The following KCNQ3 variants were observed in gnomAD, a reference collection of about 807,000 sequenced individuals.
KCNQ3 encodes potassium voltage-gated channel subfamily Q member 3, also known as potassium voltage-gated channel subfamily KQT member 3.
A neutral mutation model predicts 92.5 loss-of-function variants in KCNQ3; 30 were observed. The observed-to-expected ratio is 0.32, with a 90% CI of 0.24 to 0.44. The LOEUF is 0.44. Ranked by LOEUF, KCNQ3 falls within the 20% of genes least tolerant of loss-of-function variation. KCNQ3 has a pLI of 1.00. For missense variants in KCNQ3, 913 were observed against 1,140.3 expected (o/e 0.80, Z 2.87); for synonymous variants, 450 against 468.8 (o/e 0.96, Z 0.52).
intron 9 of KCNQ3, among the ~76,000 whole-genome samples, chr8:132,160,446 A>T (rs1236047984): frequency 1.3e-5 from 2 of 152,232 alleles, no homozygotes; most frequent in Non-Finnish European, 2.9e-5. Flanking sequence ...CATTTTTTAT[A>T]GTCACTCAGC....
At chr8:132,338,314 A>C (rs1052928041) in intron 1 of KCNQ3, among the ~76,000 whole-genome samples, 1 of 152,162 alleles carries the variant, frequency 6.6e-6, no homozygotes, top group African/African-American at 2.4e-5. Flanking sequence ...GTCCTCCTGC[A>C]CAAGGGAGTA....
At chr8:132,339,911 G>T (rs945426421) in intron 1 of KCNQ3, among the ~76,000 whole-genome samples, 17 of 151,132 alleles carry the variant, frequency 1.1e-4, no homozygotes, top group African/African-American at 4.1e-4. Context: ...CAACACAAAG[G>T]CCTTCTCTGT....
chr8:132,350,372 G>T (rs1453919906), intron 1 of KCNQ3, among the ~76,000 whole-genome samples: 1 of 152,158 alleles, frequency 6.6e-6, no homozygotes, highest in Non-Finnish European at 1.5e-5. Flanking sequence ...AAATGTTTCA[G>T]CTTCCCTTTG....
In KCNQ3 at chr8:132,125,757, G is replaced by T. The variant is rs560312608; in HGVS notation, c.*3505C>A. 1 of 151,980 alleles carries T rather than the reference G, an allele frequency of 6.6e-6. No individual in the cohort carries two copies. The highest frequency in any genetic ancestry group is 1.5e-5 in the Non-Finnish European group (1 of 67,982). 9.4% of individuals were successfully genotyped at this position (151,980 alleles called of 1,614,324 possible). On this transcript the variant is annotated 3_prime_UTR_variant, in exon 15 of 15. Transcript: ENST00000388996. ...GTTCATTTTAACCTATACACCTTGG[G>T]GTTATCTAGTTATGTTTTCATGAAA...
chr8:132,309,403 T>C (rs1817525432), intron 1 of KCNQ3, among the ~76,000 whole-genome samples: 1 of 152,230 alleles, frequency 6.6e-6, no homozygotes, highest in Admixed American at 6.5e-5. Context: ...CTCTGCCTTA[T>C]TATGCTGATT....
At chr8:132,273,690 A>G (rs1019044836) in intron 1 of KCNQ3, among the ~76,000 whole-genome samples, 1 of 152,130 alleles carries the variant, frequency 6.6e-6, no homozygotes, top group Non-Finnish European at 1.5e-5. Context: ...CTTCCCTTAT[A>G]AAACTGAATG....
chr8:132,186,575 T>A (rs986119485), intron 1 of KCNQ3: 3 of 329,140 alleles, frequency 9.1e-6, no homozygotes, highest in South Asian at 2.6e-5. Flanking sequence ...TAGGACTGAT[T>A]TAAAAATATA....
chr8:132,416,129 A>G (rs1438597409), intron 1 of KCNQ3, among the ~76,000 whole-genome samples: 1 of 152,226 alleles, frequency 6.6e-6, no homozygotes, highest in African/African-American at 2.4e-5. Flanking sequence ...TGAGGCACTC[A>G]CGTTTGTTGT....
chr8:132,263,371 G>A (rs1247688797), intron 1 of KCNQ3, among the ~76,000 whole-genome samples: 2 of 152,116 alleles, frequency 1.3e-5, no homozygotes, highest in Admixed American at 6.5e-5. Flanking sequence ...GATTCCCCTC[G>A]ACAGGCTTAT....
rs553523055 is a variant in KCNQ3 at position 132,166,404 on chromosome 8, C to T, written c.1236-2910G>A. 3.3e-5 allele frequency among the ~76,000 whole-genome samples: 5 copies of T among 152,258 alleles called. No individual in the cohort carries two copies. The South Asian group carries it at 6.2e-4, about 19-fold the overall frequency. On this transcript the variant is annotated intron_variant, in intron 8 of 14. Transcript: ENST00000388996. Reference sequence around the variant, plus strand: ...CCTCATCCCTGCTTGTATATAAGAACGTATAATCTGCCATCACTCCTACCC... The same window carrying T: ...CCTCATCCCTGCTTGTATATAAGAATGTATAATCTGCCATCACTCCTACCC...
At chr8:132,463,368 C>T (rs2673554) in intron 1 of KCNQ3, among the ~76,000 whole-genome samples, 1 of 152,188 alleles carries the variant, frequency 6.6e-6, no homozygotes, top group Admixed American at 6.5e-5. Flanking sequence ...GTATTCACAG[C>T]CCTGACAGCC....
chr8:132,464,697 T>C (rs1425158641), intron 1 of KCNQ3, among the ~76,000 whole-genome samples: 2 of 152,208 alleles, frequency 1.3e-5, no homozygotes, highest in Non-Finnish European at 2.9e-5. Context: ...TTGATGGAAA[T>C]CTTCCCTGAT....
chr8:132,180,421 A>G (rs973735654), intron 3 of KCNQ3, 92 bp from the exon 4 acceptor site: 1 of 1,401,104 alleles, frequency 7.1e-7, no homozygotes, highest in Admixed American at 1.7e-5. Flanking sequence ...TTGCTGGCAG[A>G]TCAGCATGTG....
At chr8:132,391,007 G>A (rs1439433875) in intron 1 of KCNQ3, among the ~76,000 whole-genome samples, 2 of 152,152 alleles carry the variant, frequency 1.3e-5, no homozygotes, top group African/African-American at 4.8e-5. Flanking sequence ...GCTTGGGAAA[G>A]AAATGCAGTT....
intron 1 of KCNQ3, among the ~76,000 whole-genome samples, chr8:132,296,443 G>A (rs1234642881): frequency 6.6e-6 from 1 of 151,988 alleles, no homozygotes; most frequent in Non-Finnish European, 1.5e-5. Flanking sequence ...ACAATGTGCA[G>A]GTTTGTTACA....
intron 1 of KCNQ3, among the ~76,000 whole-genome samples, chr8:132,450,792 C>T (rs1479642992): frequency 2.6e-5 from 4 of 152,192 alleles, no homozygotes; most frequent in African/African-American, 9.7e-5. Flanking sequence ...CCAGCTTTCC[C>T]TCCTTTCCTC....
At chr8:132,231,806 C>G (rs926189979) in intron 1 of KCNQ3, among the ~76,000 whole-genome samples, 6 of 152,240 alleles carry the variant, frequency 3.9e-5, no homozygotes, top group Non-Finnish European at 5.9e-5. Flanking sequence ...CATGATGGCT[C>G]TAAGTCACAA....
chr8:132,186,478 G>A (rs1192039581), intron 1 of KCNQ3: 5 of 392,688 alleles, frequency 1.3e-5, no homozygotes, highest in Non-Finnish European at 2.4e-5. Context: ...TTCCAACCTC[G>A]AGGACATTGC....
chr8:132,143,374 CAG>C (rs1199486040), intron 9 of KCNQ3, among the ~76,000 whole-genome samples: 1 of 152,156 alleles, frequency 6.6e-6, no homozygotes, highest in Non-Finnish European at 1.5e-5. Flanking sequence ...TGTATGGAGA[CAG>C]TACATTTCCA....
Sources: gnomAD v4.1 joint callset for allele counts (sites outside exome capture counted in the v4.1 genomes callset) on GRCh38, gnomAD v4.1.1 for gene constraint, MANE v1.5 for transcripts, NCBI Gene and HGNC (gene_info 2026-07-23, HGNC 2026-07-21) for gene names.